TAFA5: variants seen among roughly 807,000 people sequenced by gnomAD.
The protein encoded by TAFA5 is TAFA chemokine like family member 5.
In TAFA5, 6 loss-of-function variants were observed where a neutral mutation model predicts 15.3. The ratio of observed to expected loss-of-function variants is 0.39; its 90% CI spans 0.21 to 0.77. The LOEUF (loss-of-function observed/expected upper bound fraction) is 0.77. Among genes scored for constraint, TAFA5 ranks in the 30% least tolerant of loss-of-function variants. The pLI, the probability that TAFA5 is intolerant of heterozygous loss-of-function variation, is 0.41. For missense variants in TAFA5, 161 were observed against 193.1 expected (o/e 0.83, Z 0.98); for synonymous variants, 103 against 80.7 (o/e 1.28, Z -1.48).
At chr22:48,693,562 C>G (rs1478513179) in intron 2 of TAFA5, among the ~76,000 whole-genome samples, 1 of 152,180 alleles carries the variant, frequency 6.6e-6, no homozygotes, top group Non-Finnish European at 1.5e-5. Context: ...GCTCAGGGAA[C>G]TCTGTTCCCA....
intron 2 of TAFA5, among the ~76,000 whole-genome samples, chr22:48,679,073 C>T (rs371257035): frequency 6.8e-4 from 20 of 29,266 alleles, no homozygotes; most frequent in Admixed American, 8.4e-4. Context: ...CTCCCGTCTC[C>T]CTGTCCATCC....
intron 2 of TAFA5, among the ~76,000 whole-genome samples, chr22:48,648,107 G>A (rs79139603): frequency 2.6e-5 from 4 of 152,302 alleles, no homozygotes; most frequent in East Asian, 3.9e-4. Flanking sequence ...AGCTATATCC[G>A]TGGCATCCTG....
chr22:48,595,772 C>A (rs1366298756), intron 1 of TAFA5, among the ~76,000 whole-genome samples: 1 of 152,252 alleles, frequency 6.6e-6, no homozygotes, highest in Admixed American at 6.5e-5. Flanking sequence ...TCAGCGTGCT[C>A]TAATCCTTTA....
intron 3 of TAFA5, among the ~76,000 whole-genome samples, chr22:48,710,249 CACACTGGTAAGTGGGGG>C (rs1287600803): frequency 2.6e-5 from 4 of 152,166 alleles, no homozygotes; most frequent in Non-Finnish European, 5.9e-5. Flanking sequence ...ATGCAGGGCG[CACACTGGTAAGTGGGGG>C]ACACAGATGT....
chr22:48,616,430 A>G (rs1925607441), intron 1 of TAFA5, among the ~76,000 whole-genome samples: 1 of 152,162 alleles, frequency 6.6e-6, no homozygotes, highest in African/African-American at 2.4e-5. Flanking sequence ...GAGCATCCCT[A>G]ATGCATCACC....
chr22:48,656,133 C>T (rs1042356423), intron 2 of TAFA5, among the ~76,000 whole-genome samples: 10 of 151,988 alleles, frequency 6.6e-5, no homozygotes, highest in Admixed American at 4.6e-4. Flanking sequence ...TGAGCCACCA[C>T]GCCCGGCCGA....
At chr22:48,513,305 G>A (rs1459948531) in intron 1 of TAFA5, among the ~76,000 whole-genome samples, 2 of 152,218 alleles carry the variant, frequency 1.3e-5, no homozygotes, top group East Asian at 1.9e-4. Context: ...GTGTTTTCTT[G>A]TAACATCGAA....
chr22:48,613,604 G>C (rs1023739897), intron 1 of TAFA5, among the ~76,000 whole-genome samples: 1 of 151,682 alleles, frequency 6.6e-6, no homozygotes, highest in African/African-American at 2.4e-5. Context: ...CCGTGAATTA[G>C]AAAACACGGA....
chr22:48,567,934 A>C (rs559146416), intron 1 of TAFA5, among the ~76,000 whole-genome samples: 2 of 152,318 alleles, frequency 1.3e-5, no homozygotes, highest in Admixed American at 1.3e-4. Flanking sequence ...AGTGGCCTGC[A>C]GTCCTAGAGC....
chr22:48,570,429 A>T (rs1601585467), intron 1 of TAFA5, among the ~76,000 whole-genome samples: 1 of 152,210 alleles, frequency 6.6e-6, no homozygotes, highest in Non-Finnish European at 1.5e-5. Flanking sequence ...TCCAAATGAG[A>T]AGCAGGATTT....
At chr22:48,583,105 C>G (rs2147148546) in intron 1 of TAFA5, among the ~76,000 whole-genome samples, 1 of 140,962 alleles carries the variant, frequency 7.1e-6, no homozygotes, top group African/African-American at 2.7e-5. Flanking sequence ...CAAAATACAC[C>G]ACACGCCACA....
intron 1 of TAFA5, among the ~76,000 whole-genome samples, chr22:48,561,450 G>T (rs796366186): frequency 7.9e-5 from 12 of 152,286 alleles, no homozygotes; most frequent in African/African-American, 2.9e-4. Context: ...CTCAGCAGGG[G>T]CTGTGTTTCC....
rs139959948 is a variant in TAFA5, at chr22:48,583,782, C to A, written c.113-62815C>A. On this transcript the variant is annotated intron_variant, in intron 1 of 3. Coordinates refer to ENST00000402357, the MANE Select transcript of TAFA5 (RefSeq NM_001082967.3). Reference sequence around the variant, plus strand: ...TACACGCCACAGAAAATATACCATGCAAACATACCACACAGCACACAACAC... The same window carrying A: ...TACACGCCACAGAAAATATACCATGAAAACATACCACACAGCACACAACAC... Among the ~76,000 whole-genome samples the A allele has an allele frequency of 2.0e-5, 3 of 150,950 alleles. No homozygotes were observed. In the East Asian group the frequency reaches 5.9e-4, roughly 30 times the overall value.
chr22:48,557,142 C>T (rs993469509), intron 1 of TAFA5, among the ~76,000 whole-genome samples: 9 of 152,182 alleles, frequency 5.9e-5, no homozygotes, highest in Non-Finnish European at 1.3e-4. Context: ...AATTGTGTCT[C>T]CCCAAAATCC....
At chr22:48,717,040 A>G (rs1929422071) in intron 3 of TAFA5, among the ~76,000 whole-genome samples, 1 of 152,234 alleles carries the variant, frequency 6.6e-6, no homozygotes, top group Non-Finnish European at 1.5e-5. Flanking sequence ...TCCAGAACTG[A>G]TGTCAGTTTC....
chr22:48,596,643 G>T (rs892540803), intron 1 of TAFA5, among the ~76,000 whole-genome samples: 1 of 151,916 alleles, frequency 6.6e-6, no homozygotes, highest in Non-Finnish European at 1.5e-5. Context: ...ACATTGACAC[G>T]CTGTTATTAA....
At chr22:48,662,747 C>G (rs1260290427) in intron 2 of TAFA5, among the ~76,000 whole-genome samples, 1 of 152,176 alleles carries the variant, frequency 6.6e-6, no homozygotes, top group East Asian at 1.9e-4. Flanking sequence ...GTGTTGAGGT[C>G]ACCAGGGAAA....
intron 1 of TAFA5, among the ~76,000 whole-genome samples, chr22:48,606,379 G>C (rs982293732): frequency 3.3e-5 from 5 of 152,184 alleles, no homozygotes; most frequent in African/African-American, 1.2e-4. Context: ...GAGAAAATTC[G>C]TGATGTTTTG....
chr22:48,639,459 A>G (rs978990634), intron 1 of TAFA5, among the ~76,000 whole-genome samples: 13 of 152,154 alleles, frequency 8.5e-5, no homozygotes, highest in African/African-American at 3.1e-4. Flanking sequence ...GCCTGGCAGG[A>G]TCACACGGTT....
Sources: gnomAD v4.1 joint callset for allele counts (sites outside exome capture counted in the v4.1 genomes callset) on GRCh38, gnomAD v4.1.1 for gene constraint, MANE v1.5 for transcripts, NCBI Gene and HGNC (gene_info 2026-07-23, HGNC 2026-07-21) for gene names.